Variants in SLC38A6 observed in about 807,000 individuals in gnomAD.
SLC38A6 encodes N system amino acid transporter NAT-1.
Under a neutral mutation model 65.0 loss-of-function variants are expected in SLC38A6, and 73 were observed. The observed-to-expected ratio is 1.12, with a 90% CI of 0.93 to 1.37. SLC38A6 has a LOEUF of 1.37. Among genes scored for constraint, SLC38A6 ranks in the 40% most tolerant of loss-of-function variants. The probability of loss-of-function intolerance (pLI) is 0.00; values close to 1 mark genes in which losing one functional copy is unlikely to be tolerated. For synonymous variants in SLC38A6, 183 were observed against 178.8 expected, an observed-to-expected ratio of 1.02 and a Z score of -0.19; for missense variants, 561 against 531.1, an observed-to-expected ratio of 1.06 and a Z score of -0.55.
At chr14:61,010,994 A>G (rs7149382) in intron 3 of SLC38A6, among the ~76,000 whole-genome samples, 141,894 of 152,186 alleles carry the variant, frequency 0.93, 66,536 homozygotes, top group Non-Finnish European at 0.99. Context: ...TTTTCACGAC[A>G]TTGATTCTTC....
chr14:61,044,624 G>A (rs1258314655), intron 10 of SLC38A6, among the ~76,000 whole-genome samples: 2 of 152,092 alleles, frequency 1.3e-5, no homozygotes, highest in Non-Finnish European at 2.9e-5. Context: ...TTTTTTTAGA[G>A]CAGAAAGGAG....
chr14:61,035,413 T>G (rs1200049350), intron 6 of SLC38A6, among the ~76,000 whole-genome samples: 1 of 152,198 alleles, frequency 6.6e-6, no homozygotes, highest in African/African-American at 2.4e-5. Flanking sequence ...TAACATTCCA[T>G]TGAGTATGCT....
At chr14:61,052,638 G>T (rs1166486374), downstream of SLC38A6, 9 of 486,050 alleles carry the variant, frequency 1.9e-5, no homozygotes, top group African/African-American at 4.1e-5. Context: ...AAATATATTG[G>T]GTTGATCTTT....
chr14:61,009,542 C>A (rs949427084), intron 3 of SLC38A6, among the ~76,000 whole-genome samples: 2 of 151,896 alleles, frequency 1.3e-5, no homozygotes, highest in African/African-American at 4.8e-5. Flanking sequence ...CCCCCTCCCC[C>A]ACCCCACAGC....
chr14:61,063,669 G>A (rs923571911), intron 15 of SLC38A6, among the ~76,000 whole-genome samples: 13 of 150,462 alleles, frequency 8.6e-5, no homozygotes, highest in Non-Finnish European at 5.9e-5. Context: ...GAAATAAGCC[G>A]AAAAATTGAC....
intron 3 of SLC38A6, among the ~76,000 whole-genome samples, chr14:61,011,698 A>C (rs1001337361): frequency 2.6e-5 from 4 of 152,168 alleles, no homozygotes; most frequent in Admixed American, 2.6e-4. Flanking sequence ...TGATTTGCGT[A>C]TGTTGAACCA....
intron 8 of SLC38A6, among the ~76,000 whole-genome samples, chr14:61,038,102 T>C (rs946805109): frequency 2.0e-5 from 3 of 152,148 alleles, no homozygotes; most frequent in Non-Finnish European, 4.4e-5. Flanking sequence ...TGGTACTACA[T>C]TGAGGAGATC....
intron 15 of SLC38A6, among the ~76,000 whole-genome samples, chr14:61,078,128 C>CA (rs2043492129): frequency 6.6e-6 from 1 of 152,190 alleles, no homozygotes; most frequent in African/African-American, 2.4e-5. Context: ...GCATGTGCCA[C>CA]ATGCACATGA....
intron 4 of SLC38A6, among the ~76,000 whole-genome samples, chr14:61,016,878 A>G (rs2040043995): frequency 6.6e-6 from 1 of 152,198 alleles, no homozygotes; most frequent in Non-Finnish European, 1.5e-5. Flanking sequence ...TAATATTTGC[A>G]TTACTTCACA....
chr14:61,001,181 G>C (rs1192221338), intron 3 of SLC38A6, among the ~76,000 whole-genome samples: 1 of 152,182 alleles, frequency 6.6e-6, no homozygotes, highest in African/African-American at 2.4e-5. Context: ...GGGGAGGGCA[G>C]GGTGAGGCAA....
At chr14:61,030,293 GTGTGTGTA>G (rs1294806693) in intron 5 of SLC38A6, 144 bp from the exon 6 acceptor site, 4 of 530,282 alleles carry the variant, frequency 7.5e-6, no homozygotes, top group Non-Finnish European at 6.8e-6. Context: ...GTGTGTGTGT[GTGTGTGTA>G]TGTATCTTTG....
At chr14:61,034,031 A>C (rs2041176570) in intron 6 of SLC38A6, 1 of 152,178 alleles carries the variant, frequency 6.6e-6, no homozygotes, top group African/African-American at 2.4e-5. Context: ...ATATAAAATG[A>C]AGTTGTTGAG....
In SLC38A6 at chr14:61,001,320, A is replaced by G. The variant is rs117080965; in HGVS notation, c.311-14584A>G. 1.1e-3 allele frequency among the ~76,000 whole-genome samples: 164 copies of G among 152,308 alleles called. No individual in the cohort carries two copies. In the East Asian group the frequency reaches 0.023, roughly 21 times the overall value. On this transcript the variant is annotated intron_variant, in intron 3 of 15. Coordinates refer to ENST00000267488, the MANE Select transcript of SLC38A6 (RefSeq NM_153811.3). ...GTGGCAAGGTTGAGAAACCCTGGCA[A>G]CATTATGTGTGTGCTCCCCTTGTGT...
chr14:60,996,256 CA>C (rs1477803428), intron 3 of SLC38A6, among the ~76,000 whole-genome samples: 2 of 152,100 alleles, frequency 1.3e-5, no homozygotes, highest in African/African-American at 4.8e-5. Context: ...ACAGACAATA[CA>C]AGACCAGATG....
Position 61,011,537 on chromosome 14 carries a change from T to A in SLC38A6, c.311-4367T>A, listed in dbSNP as rs555091176. ...TGGGTTTGTCATAGATAGCTCTTAT[T>A]ATTTTGAGATACGTCCCATCAATAC... is the stretch of plus-strand genomic sequence containing the variant. On this transcript the variant is annotated intron_variant, in intron 3 of 15. Transcript: ENST00000267488. Among the ~76,000 whole-genome samples the A allele has an allele frequency of 3.9e-5, 6 of 152,258 alleles. No homozygotes were observed. The South Asian group carries it at 6.2e-4, about 16-fold the overall frequency.
chr14:61,010,382 A>G (rs1415544165), intron 3 of SLC38A6, among the ~76,000 whole-genome samples: 1 of 152,086 alleles, frequency 6.6e-6, no homozygotes. Flanking sequence ...CTTTAGTTTA[A>G]TTAGATCCCA....
At chr14:61,038,897 G>A (rs543222300) in intron 8 of SLC38A6, among the ~76,000 whole-genome samples, 22 of 152,198 alleles carry the variant, frequency 1.4e-4, no homozygotes, top group Middle Eastern at 3.4e-3. Flanking sequence ...CATACACTTT[G>A]TAGGCTCCAT....
intron 3 of SLC38A6, among the ~76,000 whole-genome samples, chr14:61,011,084 G>T (rs2039526906): frequency 6.6e-6 from 1 of 152,114 alleles, no homozygotes; most frequent in African/African-American, 2.4e-5. Context: ...AGTTCTTGAA[G>T]AGGTCCTTCA....
At chr14:61,028,746 T>G (rs1482587642) in intron 5 of SLC38A6, among the ~76,000 whole-genome samples, 1 of 152,222 alleles carries the variant, frequency 6.6e-6, no homozygotes. Context: ...ATGTATATTT[T>G]CATCACAGAG....
Sources: gnomAD v4.1 joint callset for allele counts (sites outside exome capture counted in the v4.1 genomes callset) on GRCh38, gnomAD v4.1.1 for gene constraint, MANE v1.5 for transcripts, NCBI Gene and HGNC (gene_info 2026-07-23, HGNC 2026-07-21) for gene names.